The following TOX variants were observed in gnomAD, a reference collection of about 807,000 sequenced individuals.
TOX encodes thymocyte selection associated high mobility group box.
TOX carries 11 observed loss-of-function variants against 53.7 expected under a neutral mutation model. The ratio of observed to expected loss-of-function variants is 0.20; its 90% CI spans 0.13 to 0.34. The LOEUF is 0.34. Among genes scored for constraint, TOX ranks in the 10% least tolerant of loss-of-function variants. TOX has a pLI of 1.00. For missense variants in TOX, 570 were observed against 664.6 expected, an observed-to-expected ratio of 0.86 and a Z score of 1.56; for synonymous variants, 225 against 245.3, an observed-to-expected ratio of 0.92 and a Z score of 0.77.
intron 3 of TOX, among the ~76,000 whole-genome samples, chr8:58,893,731 T>C (rs1355136669): frequency 6.6e-6 from 1 of 152,218 alleles, no homozygotes; most frequent in African/African-American, 2.4e-5. Flanking sequence ...TGACTTTACA[T>C]AGAAGAAAGT....
intron 1 of TOX, among the ~76,000 whole-genome samples, chr8:58,989,223 G>A (rs1262751615): frequency 6.6e-6 from 1 of 152,088 alleles, no homozygotes; most frequent in Admixed American, 6.5e-5. Context: ...GGCTGAGGCA[G>A]GAGAATCGCT....
intron 3 of TOX, among the ~76,000 whole-genome samples, chr8:58,873,867 A>G (rs2129170228): frequency 6.6e-6 from 1 of 150,676 alleles, no homozygotes; most frequent in Middle Eastern, 3.4e-3. Flanking sequence ...TTTCTCCTCC[A>G]TAATCTATTT....
chr8:59,046,213 G>A (rs72651375), intron 1 of TOX, among the ~76,000 whole-genome samples: 9,704 of 152,152 alleles, frequency 0.064, 457 homozygotes, highest in Non-Finnish European at 0.099. Flanking sequence ...TATTTATGGA[G>A]AGCCTACCAT....
intron 1 of TOX, among the ~76,000 whole-genome samples, chr8:59,082,174 T>G (rs751982299): frequency 1.3e-5 from 2 of 152,234 alleles, no homozygotes; most frequent in Non-Finnish European, 2.9e-5. Flanking sequence ...TCTTTATTTG[T>G]CTGGTTTAGT....
At chr8:58,998,534 T>TATATATAAA (rs1554537351) in intron 1 of TOX, among the ~76,000 whole-genome samples, 18 of 18,338 alleles carry the variant, frequency 9.8e-4, no homozygotes, top group African/African-American at 3.0e-3. Context: ...TATATATATA[T>TATATATAAA]ATATAAATTT....
At chr8:59,040,649 C>T (rs1803563818) in intron 1 of TOX, among the ~76,000 whole-genome samples, 1 of 152,198 alleles carries the variant, frequency 6.6e-6, no homozygotes, top group African/African-American at 2.4e-5. Context: ...GCAATAGACC[C>T]AATTATACAG....
chr8:58,880,386 A>G (rs1266978786), intron 3 of TOX, among the ~76,000 whole-genome samples: 1 of 152,250 alleles, frequency 6.6e-6, no homozygotes, highest in Non-Finnish European at 1.5e-5. Context: ...TAATACATGC[A>G]AAATATCTGG....
At chr8:58,845,178 G>A (rs1183329044) in intron 4 of TOX, among the ~76,000 whole-genome samples, 1 of 152,102 alleles carries the variant, frequency 6.6e-6, no homozygotes, top group African/African-American at 2.4e-5. Flanking sequence ...CGGTCCCAAA[G>A]CCTTTAATGG....
At chr8:59,022,970 C>G (rs1814163257) in intron 1 of TOX, among the ~76,000 whole-genome samples, 1 of 152,178 alleles carries the variant, frequency 6.6e-6, no homozygotes, top group African/African-American at 2.4e-5. Flanking sequence ...AGCACACACA[C>G]CATTCTCAAA....
At chr8:59,030,815 C>G (rs1425613889) in intron 1 of TOX, among the ~76,000 whole-genome samples, 1 of 152,124 alleles carries the variant, frequency 6.6e-6, no homozygotes, top group Non-Finnish European at 1.5e-5. Context: ...GTAGGCATTA[C>G]CTGTGTGTGT....
intron 1 of TOX, among the ~76,000 whole-genome samples, chr8:59,090,778 T>C (rs1394588333): frequency 1.3e-5 from 2 of 152,304 alleles, no homozygotes; most frequent in African/African-American, 2.4e-5. Context: ...ACTCTGGGCA[T>C]AGGATTCCAC....
At chr8:58,849,707 T>A (rs1810777688) in intron 4 of TOX, among the ~76,000 whole-genome samples, 1 of 152,178 alleles carries the variant, frequency 6.6e-6, no homozygotes, top group South Asian at 2.1e-4. Flanking sequence ...TGCATTTAAT[T>A]TCCTGAAATG....
At chr8:58,882,918 C>T (rs1421283071) in intron 3 of TOX, among the ~76,000 whole-genome samples, 1 of 152,168 alleles carries the variant, frequency 6.6e-6, no homozygotes, top group Non-Finnish European at 1.5e-5. Flanking sequence ...ACATATCCAC[C>T]CTAATTGGAA....
chr8:58,990,552 A>G (rs1056850935), intron 1 of TOX, among the ~76,000 whole-genome samples: 1 of 152,128 alleles, frequency 6.6e-6, no homozygotes, highest in Non-Finnish European at 1.5e-5. Context: ...GGTTTCCTCT[A>G]CATATCATAC....
intron 1 of TOX, among the ~76,000 whole-genome samples, chr8:59,052,885 T>C (rs1451217303): frequency 6.6e-6 from 1 of 152,200 alleles, no homozygotes; most frequent in East Asian, 1.9e-4. Flanking sequence ...AATTTTAATG[T>C]GCCCTACTTT....
intron 5 of TOX, among the ~76,000 whole-genome samples, chr8:58,834,065 A>C: frequency 6.6e-6 from 1 of 152,346 alleles, no homozygotes; most frequent in Admixed American, 6.5e-5. Context: ...ATGAGGAAGC[A>C]TGTGATATAA....
At chr8:58,977,227 C>A (rs1190443973) in intron 1 of TOX, among the ~76,000 whole-genome samples, 4 of 152,250 alleles carry the variant, frequency 2.6e-5, no homozygotes, top group Non-Finnish European at 4.4e-5. Context: ...TTTCAACTTA[C>A]ACTTTTATGT....
chr8:58,979,284 C>T (rs988261279), intron 1 of TOX, among the ~76,000 whole-genome samples: 1 of 152,106 alleles, frequency 6.6e-6, no homozygotes, highest in African/African-American at 2.4e-5. Flanking sequence ...GGTTAGTGAC[C>T]AGGAATGTTT....
At chr8:58,984,319 A>G (rs148182327) in intron 1 of TOX, among the ~76,000 whole-genome samples, 248 of 152,344 alleles carry the variant, frequency 1.6e-3, no homozygotes, top group Admixed American at 8.0e-3. Context: ...AATCAACAAC[A>G]AAAACAAACA....
Sources: gnomAD v4.1 joint callset for allele counts (sites outside exome capture counted in the v4.1 genomes callset) on GRCh38, gnomAD v4.1.1 for gene constraint, MANE v1.5 for transcripts, NCBI Gene and HGNC (gene_info 2026-07-23, HGNC 2026-07-21) for gene names.